The following GRHL2 variants were observed in gnomAD, a reference collection of about 807,000 sequenced individuals.
GRHL2 encodes the protein grainyhead-like protein 2 homolog.
A neutral mutation model predicts 83.8 loss-of-function variants in GRHL2; 21 were observed. The observed-to-expected ratio is 0.25, with a 90% CI of 0.18 to 0.36. GRHL2 has a LOEUF of 0.36. Ranked by LOEUF, GRHL2 falls within the 10% of genes least tolerant of loss-of-function variation. The probability of loss-of-function intolerance (pLI) is 1.00; values close to 1 mark genes in which losing one functional copy is unlikely to be tolerated. For missense variants in GRHL2, 623 were observed against 781.8 expected (o/e 0.80, Z 2.42); for synonymous variants, 280 against 278.9 (o/e 1.00, Z -0.04).
At chr8:101,628,163 T>C (rs535530003) in intron 9 of GRHL2, among the ~76,000 whole-genome samples, 2 of 152,270 alleles carry the variant, frequency 1.3e-5, no homozygotes, top group African/African-American at 4.8e-5. Flanking sequence ...AGGACTTTCA[T>C]AGCTAGAGAG....
At chr8:101,652,261 AT>A (rs1430351110) in intron 14 of GRHL2, among the ~76,000 whole-genome samples, 1 of 151,698 alleles carries the variant, frequency 6.6e-6, no homozygotes, top group Non-Finnish European at 1.5e-5. Flanking sequence ...AATATACACA[AT>A]ATGACATATT....
chr8:101,647,993 G>T (rs1195873525), intron 13 of GRHL2, among the ~76,000 whole-genome samples: 3 of 152,180 alleles, frequency 2.0e-5, no homozygotes, highest in African/African-American at 7.2e-5. Context: ...GGTACCCAGA[G>T]TTGGCAGGGT....
chr8:101,644,576 A>G (rs1563622723), intron 13 of GRHL2, among the ~76,000 whole-genome samples: 2 of 152,172 alleles, frequency 1.3e-5, no homozygotes, highest in East Asian at 1.9e-4. Flanking sequence ...TGATACATGC[A>G]AACTATTCAT....
chr8:101,673,991 G>A (rs1814251125), downstream of GRHL2, among the ~76,000 whole-genome samples: 1 of 152,062 alleles, frequency 6.6e-6, no homozygotes, highest in Admixed American at 6.6e-5. Flanking sequence ...CAGAAATAAA[G>A]ATGTTCTTTG....
At chr8:101,493,375 G>T (rs962009551) in intron 1 of GRHL2, among the ~76,000 whole-genome samples, 5 of 152,164 alleles carry the variant, frequency 3.3e-5, no homozygotes, top group Non-Finnish European at 7.4e-5. Context: ...GAGGCCGGGG[G>T]GCGCGGGGGC....
chr8:101,512,568 G>A (rs1283048160), intron 1 of GRHL2, among the ~76,000 whole-genome samples: 3 of 152,146 alleles, frequency 2.0e-5, no homozygotes, highest in Non-Finnish European at 2.9e-5. Context: ...TCCGCCTCCC[G>A]GGTTCAAGCA....
chr8:101,538,708 GA>G (rs1811092943), intron 1 of GRHL2, among the ~76,000 whole-genome samples: 1 of 152,204 alleles, frequency 6.6e-6, no homozygotes, highest in African/African-American at 2.4e-5. Flanking sequence ...GTTGTTCTGT[GA>G]AACTTTCCTT....
At chr8:101,673,341 A>T (rs376509731), downstream of GRHL2, among the ~76,000 whole-genome samples, 7 of 152,088 alleles carry the variant, frequency 4.6e-5, no homozygotes, top group East Asian at 7.7e-4. Flanking sequence ...GGCTCAAAAT[A>T]AAGGGATGGA....
intron 1 of GRHL2, among the ~76,000 whole-genome samples, chr8:101,516,286 A>G (rs796671588): frequency 2.0e-5 from 3 of 152,288 alleles, no homozygotes; most frequent in African/African-American, 7.2e-5. Context: ...TTATCAAAGA[A>G]GTATATTTAG....
At chr8:101,632,724 C>T (rs981525682) in intron 11 of GRHL2, among the ~76,000 whole-genome samples, 1 of 152,200 alleles carries the variant, frequency 6.6e-6, no homozygotes, top group Non-Finnish European at 1.5e-5. Context: ...TTGAACTGCA[C>T]CTGTAACTGC....
intron 7 of GRHL2, among the ~76,000 whole-genome samples, chr8:101,596,281 A>AAGGAAACATTTGG (rs1279194834): frequency 1.3e-5 from 2 of 152,164 alleles, no homozygotes; most frequent in Non-Finnish European, 2.9e-5. Flanking sequence ...ATCAATTTGG[A>AAGGAAACATTTGG]AGGAAACATT....
the GRHL2 span, among the ~76,000 whole-genome samples, chr8:101,675,367 G>T: frequency 6.6e-6 from 1 of 152,094 alleles, no homozygotes; most frequent in South Asian, 2.1e-4. Flanking sequence ...AAAGTCTCAG[G>T]ATACAAAATC....
intron 14 of GRHL2, among the ~76,000 whole-genome samples, chr8:101,651,593 A>G (rs775242192): frequency 1.5e-4 from 23 of 152,266 alleles, no homozygotes; most frequent in African/African-American, 4.6e-4. Context: ...GTGGAACTCA[A>G]TGTCACCTTC....
intron 8 of GRHL2, among the ~76,000 whole-genome samples, chr8:101,610,885 A>G (rs7838863): frequency 0.5 from 75,048 of 150,472 alleles, 21,018 homozygotes; most frequent in African/African-American, 0.71. Context: ...GAAAGCCAAC[A>G]TAACCGAGAA....
At position 101,543,305 on chromosome 8, in the gene GRHL2, T is replaced by C; in HGVS notation, c.85T>C (p.Tyr29His). ...SDPPFNTRRA[Y>H]TSEDEAWKSY... ...CCCTCCATTCAATACCCGAAGAGCC[T>C]ACACCAGTGAGGATGAAGCCTGGAA... The change falls in exon 2 of 16, where the codon TAC (tyrosine) becomes CAC (histidine). Residue 29 changes from tyrosine to histidine, a missense_variant. Coordinates refer to ENST00000646743, the MANE Select transcript of GRHL2 (RefSeq NM_024915.4). 6.2e-7 allele frequency: 1 copy of C among 1,614,142 alleles called. No homozygotes were observed. Among genetic ancestry groups the C allele is most frequent in the Non-Finnish European group, 8.5e-7 (1 of 1,179,986 alleles).
chr8:101,558,145 A>G (rs1174990707), intron 3 of GRHL2, among the ~76,000 whole-genome samples: 2 of 152,272 alleles, frequency 1.3e-5, no homozygotes, highest in African/African-American at 2.4e-5. Context: ...GATTACAGGC[A>G]TGAGGCACCG....
chr8:101,494,757 A>G (rs1810059834), intron 1 of GRHL2, among the ~76,000 whole-genome samples: 1 of 152,234 alleles, frequency 6.6e-6, no homozygotes, highest in South Asian at 2.1e-4. Flanking sequence ...AATAAGAACA[A>G]TGTGTTTACC....
rs1809985823 is a variant in GRHL2 at position 101,492,597 on chromosome 8, G to T, written c.-173G>T. 3 of 717,180 alleles carry T rather than the reference G, an allele frequency of 4.2e-6. No individual in the cohort carries two copies. Among genetic ancestry groups the T allele is most frequent in the Non-Finnish European group, 7.7e-6 (3 of 387,756 alleles). The allele number at this position is 717,180 out of a possible 1,614,324, so 44.4% of individuals were successfully genotyped here. ...CACCTTTCCGGCTAGGTGAGGGCGC[G>T]AGCGGGCGAGCGAGCGAGAGTGGTG... On this transcript the variant is annotated 5_prime_UTR_variant, in exon 1 of 16. Transcript: ENST00000646743.
chr8:101,559,353 C>CAAAAAAAAAAAAAAAA (rs34176940), intron 4 of GRHL2, among the ~76,000 whole-genome samples: 3 of 88,964 alleles, frequency 3.4e-5, no homozygotes, highest in African/African-American at 8.3e-5. Context: ...ACTAAAAATA[C>CAAAAAAAAAAAAAAAA]AAAAAAAAAA....
Sources: gnomAD v4.1 joint callset for allele counts (sites outside exome capture counted in the v4.1 genomes callset) on GRCh38, gnomAD v4.1.1 for gene constraint, MANE v1.5 for transcripts, NCBI Gene and HGNC (gene_info 2026-07-23, HGNC 2026-07-21) for gene names.